ATF6: variants seen among roughly 807,000 people sequenced by gnomAD.
ATF6 encodes the protein cyclic AMP-dependent transcription factor ATF-6 alpha.
Under a neutral mutation model 83.6 loss-of-function variants are expected in ATF6, and 53 were observed. The ratio of observed to expected loss-of-function variants is 0.63; its 90% CI spans 0.51 to 0.80. ATF6 has a LOEUF of 0.80. Among genes scored for constraint, ATF6 ranks in the 30% least tolerant of loss-of-function variants. The probability of loss-of-function intolerance (pLI) is 0.00; values close to 1 mark genes in which losing one functional copy is unlikely to be tolerated. For missense variants in ATF6, 744 were observed against 797.9 expected, an observed-to-expected ratio of 0.93 and a Z score of 0.81; for synonymous variants, 288 against 285.8, an observed-to-expected ratio of 1.01 and a Z score of -0.08.
chr1:161,770,889 T>C (rs935836323), intron 1 of ATF6, among the ~76,000 whole-genome samples: 3 of 152,230 alleles, frequency 2.0e-5, no homozygotes, highest in Non-Finnish European at 4.4e-5. Context: ...GTTTTTTGTT[T>C]GTTTTGTAAG....
chr1:161,838,088 C>T (rs1345193282), intron 9 of ATF6, among the ~76,000 whole-genome samples: 1 of 152,158 alleles, frequency 6.6e-6, no homozygotes, highest in Non-Finnish European at 1.5e-5. Context: ...AGTAACTCTG[C>T]CCGTTTCCCT....
At chr1:161,860,142 G>A in intron 12 of ATF6, 65 bp from the exon 13 acceptor site, 1 of 1,111,782 alleles carries the variant, frequency 9.0e-7, no homozygotes, top group Non-Finnish European at 1.3e-6. Context: ...GAATGAACCA[G>A]TATAGGAAGA....
At chr1:161,934,631 A>G (rs1688503179) in intron 15 of ATF6, among the ~76,000 whole-genome samples, 2 of 152,014 alleles carry the variant, frequency 1.3e-5, no homozygotes, top group African/African-American at 4.8e-5. Context: ...ACTCCCTTCT[A>G]ATTGTTTTTC....
chr1:161,830,914 A>C (rs1686041411), intron 9 of ATF6, among the ~76,000 whole-genome samples: 1 of 152,262 alleles, frequency 6.6e-6, no homozygotes, highest in African/African-American at 2.4e-5. Context: ...TAAAACACCA[A>C]AAGCAATGGC....
intron 14 of ATF6, among the ~76,000 whole-genome samples, chr1:161,883,406 A>G (rs1272041325): frequency 6.6e-6 from 1 of 152,072 alleles, no homozygotes; most frequent in African/African-American, 2.4e-5. Context: ...TGATGTCTAT[A>G]GAACTACAGA....
At chr1:161,904,671 C>T (rs542041444) in intron 14 of ATF6, among the ~76,000 whole-genome samples, 2 of 151,768 alleles carry the variant, frequency 1.3e-5, no homozygotes, top group South Asian at 4.2e-4. Context: ...AAACTGAGAA[C>T]TTACTGTTCT....
intron 8 of ATF6, 69 bp downstream of exon 8, chr1:161,819,887 T>A (rs1039612830): frequency 1.0e-4 from 131 of 1,304,402 alleles, no homozygotes; most frequent in Non-Finnish European, 1.3e-4. Flanking sequence ...ATAGAGAAAC[T>A]TTTACATTTT....
At chr1:161,957,196 A>T (rs1173658341) in intron 15 of ATF6, among the ~76,000 whole-genome samples, 1 of 152,186 alleles carries the variant, frequency 6.6e-6, no homozygotes. Context: ...AGTAGAATAG[A>T]AAGAATTCTA....
intron 14 of ATF6, among the ~76,000 whole-genome samples, chr1:161,867,520 C>T (rs1382847202): frequency 6.6e-6 from 1 of 152,068 alleles, no homozygotes; most frequent in African/African-American, 2.4e-5. Context: ...AAATACCATC[C>T]TTACATGTAG....
chr1:161,859,836 A>T (rs546819061), intron 12 of ATF6, among the ~76,000 whole-genome samples: 1 of 152,112 alleles, frequency 6.6e-6, no homozygotes, highest in South Asian at 2.1e-4. Context: ...TTCATTATGG[A>T]CTTTTCATAC....
At chr1:161,767,310 C>T (rs1684287451) in intron 1 of ATF6, among the ~76,000 whole-genome samples, 1 of 152,132 alleles carries the variant, frequency 6.6e-6, no homozygotes, top group African/African-American at 2.4e-5. Context: ...TTCTCAATAG[C>T]AGGAGTGGAA....
At chr1:161,895,473 A>G (rs1218348005) in intron 14 of ATF6, among the ~76,000 whole-genome samples, 1 of 152,230 alleles carries the variant, frequency 6.6e-6, no homozygotes, top group East Asian at 1.9e-4. Flanking sequence ...ATCTAATATT[A>G]TAACTTCGTT....
intron 14 of ATF6, among the ~76,000 whole-genome samples, chr1:161,895,882 G>T (rs1687665214): frequency 6.6e-6 from 1 of 152,126 alleles, no homozygotes; most frequent in Admixed American, 6.5e-5. Flanking sequence ...TACTTCCTCT[G>T]TCAGCACTTA....
chr1:161,920,292 C>CTTTTTTTTTTTTTT (rs1322896918), intron 15 of ATF6, among the ~76,000 whole-genome samples: 32 of 19,790 alleles, frequency 1.6e-3, no homozygotes, highest in Middle Eastern at 0.036. Flanking sequence ...CTCTCTCTCT[C>CTTTTTTTTTTTTTT]TCTTTTTTTT....
chr1:161,846,345 C>T (rs1346669622), intron 9 of ATF6, 104 bp from the exon 10 acceptor site: 25 of 1,287,502 alleles, frequency 1.9e-5, no homozygotes, highest in Non-Finnish European at 2.6e-5. Context: ...TTGTTACGTG[C>T]ATGGATCTGC....
intron 14 of ATF6, among the ~76,000 whole-genome samples, chr1:161,865,726 T>C (rs949607816): frequency 2.0e-5 from 3 of 152,220 alleles, no homozygotes; most frequent in Non-Finnish European, 4.4e-5. Flanking sequence ...TACTGATTTA[T>C]CACATTTTGG....
At chr1:161,890,455 A>G (rs1449141934) in intron 14 of ATF6, among the ~76,000 whole-genome samples, 1 of 152,196 alleles carries the variant, frequency 6.6e-6, no homozygotes, top group African/African-American at 2.4e-5. Context: ...GAGATTGTAT[A>G]TTTTTGACCC....
At chr1:161,910,720 A>G (rs926837235) in intron 14 of ATF6, among the ~76,000 whole-genome samples, 3 of 152,224 alleles carry the variant, frequency 2.0e-5, no homozygotes, top group African/African-American at 7.2e-5. Flanking sequence ...GAATTAAGCT[A>G]TGTATAACTT....
chr1:161,863,052 T>A (rs2340720), intron 13 of ATF6, 146 bp from the exon 14 acceptor site: 2 of 505,238 alleles, frequency 4.0e-6, no homozygotes, highest in East Asian at 6.0e-5. Flanking sequence ...TTGCAAAATA[T>A]TGTTATAAAA....
Sources: gnomAD v4.1 joint callset for allele counts (sites outside exome capture counted in the v4.1 genomes callset) on GRCh38, gnomAD v4.1.1 for gene constraint, MANE v1.5 for transcripts, NCBI Gene and HGNC (gene_info 2026-07-23, HGNC 2026-07-21) for gene names.